The following GMPR variants were observed in gnomAD, a reference collection of about 807,000 sequenced individuals.
GMPR encodes GMP reductase 1.
Under a neutral mutation model 38.4 loss-of-function variants are expected in GMPR, and 31 were observed. The observed-to-expected ratio is 0.81, with a 90% CI of 0.61 to 1.09. The LOEUF is 1.09. Ranked by LOEUF, GMPR falls within the 50% of genes least tolerant of loss-of-function variation. GMPR has a pLI of 0.00. For synonymous variants in GMPR, 162 were observed against 173.3 expected, an observed-to-expected ratio of 0.93 and a Z score of 0.51; for missense variants, 468 against 453.7, an observed-to-expected ratio of 1.03 and a Z score of -0.29.
In GMPR at chr6:16,251,396, C is replaced by A. The variant is rs549799437; in HGVS notation, c.291+1029C>A. ...GTCCAACCTGCCCAACATGGAGAAA[C>A]CCTGTCTTTACTAGAAATACAAAAT... On this transcript the variant is annotated intron_variant, in intron 3 of 8. Transcript: ENST00000259727. Among the ~76,000 whole-genome samples the A allele has an allele frequency of 8.3e-4, 126 of 152,282 alleles. 2 individuals are homozygous for A. The highest frequency in any genetic ancestry group is 3.0e-3 in the African/African-American group (125 of 41,568).
intron 7 of GMPR, chr6:16,290,131 A>G (rs1046633956): frequency 4.4e-6 from 1 of 226,630 alleles, no homozygotes; most frequent in Non-Finnish European, 8.9e-6. Context: ...ATACTCCCCA[A>G]TCTTAATGTT....
chr6:16,250,214 C>T, intron 2 of GMPR, 70 bp from the exon 3 acceptor site: 1 of 845,586 alleles, frequency 1.2e-6, no homozygotes, highest in Non-Finnish European at 2.1e-6. Context: ...TGGATCACCA[C>T]CTCCAGATGG....
intron 3 of GMPR, among the ~76,000 whole-genome samples, chr6:16,252,630 C>T (rs898834120): frequency 1.3e-5 from 2 of 152,220 alleles, no homozygotes; most frequent in African/African-American, 2.4e-5. Flanking sequence ...ACTTACTACA[C>T]AGCCCGCCAC....
chr6:16,276,632 A>T (rs1452225952), intron 5 of GMPR, among the ~76,000 whole-genome samples: 1 of 152,200 alleles, frequency 6.6e-6, no homozygotes, highest in Non-Finnish European at 1.5e-5. Context: ...AGATGTGACT[A>T]AAGAGAATAA....
At position 16,258,843 on chromosome 6, in the gene GMPR, CTGAG is replaced by C. The variant is rs558686837; in HGVS notation, c.465+4111_465+4114del. Among the ~76,000 whole-genome samples the C allele has an allele frequency of 5.1e-3, 769 of 152,222 alleles. 3 individuals carry two copies. Among genetic ancestry groups the C allele is most frequent in the African/African-American group, 0.017 (715 of 41,526 alleles). ...TGGAATGAATGATGTAATATGAGGG[CTGAG>C]TGTTATGGAATGGAGTGTTATTACG... On this transcript the variant is annotated intron_variant, in intron 4 of 8. Transcript: ENST00000259727.
chr6:16,255,443 ACT>A (rs763522681), intron 4 of GMPR, among the ~76,000 whole-genome samples: 30 of 152,154 alleles, frequency 2.0e-4, no homozygotes, highest in Admixed American at 7.9e-4. Context: ...CCAGCAGGAA[ACT>A]CTGCTGTAGG....
At chr6:16,262,476 G>C (rs1386443676) in intron 4 of GMPR, 1 of 152,034 alleles carries the variant, frequency 6.6e-6, no homozygotes, top group African/African-American at 2.4e-5. Context: ...GGGGGAGGAG[G>C]TTCTGGAGGA....
At chr6:16,290,715 A>G in intron 8 of GMPR, 94 bp downstream of exon 8, 6 of 1,031,270 alleles carry the variant, frequency 5.8e-6, no homozygotes, top group Non-Finnish European at 8.8e-6. Flanking sequence ...AGCTCTGTGT[A>G]TATTAAAGTA....
chr6:16,264,116 C>T (rs1474701936), intron 4 of GMPR, among the ~76,000 whole-genome samples: 1 of 151,918 alleles, frequency 6.6e-6, no homozygotes, highest in African/African-American at 2.4e-5. Context: ...TCAGAGGTGT[C>T]CCTGCAATGA....
At chr6:16,277,654 G>C (rs554202177) in intron 5 of GMPR, among the ~76,000 whole-genome samples, 6 of 152,160 alleles carry the variant, frequency 3.9e-5, no homozygotes, top group South Asian at 2.1e-4. Context: ...CCACGGAGCC[G>C]ACCACCCAGT....
chr6:16,275,042 C>T (rs540026520), intron 5 of GMPR, among the ~76,000 whole-genome samples: 54 of 152,154 alleles, frequency 3.5e-4, no homozygotes, highest in Non-Finnish European at 7.4e-4. Context: ...CTTAGGACCA[C>T]CCATTGGCAT....
intron 6 of GMPR, among the ~76,000 whole-genome samples, chr6:16,280,375 AC>A (rs932164458): frequency 1.2e-4 from 19 of 152,098 alleles, no homozygotes; most frequent in African/African-American, 4.6e-4. Context: ...TTTTTCACCC[AC>A]CCATCCATTC....
intron 4 of GMPR, among the ~76,000 whole-genome samples, chr6:16,269,790 C>T (rs980281009): frequency 2.0e-5 from 3 of 152,184 alleles, no homozygotes; most frequent in Non-Finnish European, 2.9e-5. Context: ...AAGTGAGACC[C>T]TGTCTCAAAA....
intron 5 of GMPR, among the ~76,000 whole-genome samples, chr6:16,278,499 C>T (rs1039989454): frequency 3.3e-5 from 5 of 152,116 alleles, no homozygotes; most frequent in Admixed American, 1.3e-4. Context: ...GGAGCCAGTG[C>T]CACAGGGAGG....
intron 4 of GMPR, among the ~76,000 whole-genome samples, chr6:16,270,111 C>T (rs1327507970): frequency 6.6e-6 from 1 of 152,218 alleles, no homozygotes; most frequent in Non-Finnish European, 1.5e-5. Flanking sequence ...ACATTCAGAC[C>T]ATACCAACTT....
chr6:16,278,671 G>C, intron 5 of GMPR, 113 bp from the exon 6 acceptor site: 1 of 761,050 alleles, frequency 1.3e-6, no homozygotes, highest in Non-Finnish European at 2.3e-6. Flanking sequence ...CTCTGCCACA[G>C]AGGTTCACCC....
intron 6 of GMPR, 46 bp downstream of exon 6, chr6:16,278,936 C>G (rs762664956): frequency 8.5e-7 from 1 of 1,180,610 alleles, no homozygotes; most frequent in Non-Finnish European, 1.2e-6. Flanking sequence ...TGGGAGGCCC[C>G]TGCTCCCTCG....
intron 4 of GMPR, among the ~76,000 whole-genome samples, chr6:16,269,105 G>A (rs1581658535): frequency 6.6e-6 from 1 of 151,822 alleles, no homozygotes; most frequent in Non-Finnish European, 1.5e-5. Flanking sequence ...AAAAGAATGG[G>A]TAAAGGAGCA....
chr6:16,289,093 A>G (rs1008371440), intron 7 of GMPR, among the ~76,000 whole-genome samples: 2 of 152,346 alleles, frequency 1.3e-5, no homozygotes, highest in South Asian at 2.1e-4. Flanking sequence ...CGCTCTTTGC[A>G]ATAGATTCTG....
Sources: allele counts gnomAD v4.1 joint callset (sites outside exome capture counted in the v4.1 genomes callset), GRCh38; gene constraint gnomAD v4.1.1; transcripts MANE v1.5; gene names NCBI Gene and HGNC (gene_info 2026-07-23, HGNC 2026-07-21).